The following APCDD1 variants were observed in gnomAD, a reference collection of about 807,000 sequenced individuals.
APCDD1 encodes protein APCDD1.
Under a neutral mutation model 38.1 loss-of-function variants are expected in APCDD1, and 15 were observed. The observed-to-expected ratio is 0.39, with a 90% CI of 0.26 to 0.61. The LOEUF (loss-of-function observed/expected upper bound fraction) is 0.61, where lower values mean the gene tolerates loss of function less well. APCDD1 is among the 20% of genes least tolerant of loss of function. The probability of loss-of-function intolerance (pLI) is 0.49; values close to 1 mark genes in which losing one functional copy is unlikely to be tolerated. For synonymous variants in APCDD1, 261 were observed against 279.7 expected (o/e 0.93, Z 0.67); for missense variants, 647 against 696.2 (o/e 0.93, Z 0.79).
chr18:10,465,150 T>A (rs1400314221), intron 1 of APCDD1, among the ~76,000 whole-genome samples: 1 of 152,176 alleles, frequency 6.6e-6, no homozygotes, highest in Admixed American at 6.5e-5. Context: ...ATACCCATCT[T>A]TTTCGTACTT....
Position 10,469,052 on chromosome 18 carries a change from T to C in APCDD1, c.242+400T>C, listed in dbSNP as rs975251658. On this transcript the variant is annotated intron_variant, in intron 2 of 4. Coordinates refer to ENST00000355285, the MANE Select transcript of APCDD1 (RefSeq NM_153000.5). This position sits in a 1 kb window ranked among gnomAD's most constrained non-coding sequence, Gnocchi z 5.5. Reference sequence around the variant, plus strand: ...TTCTAGCCATATTCTGGTAATTTAATATATGGCTTCAGGGTTCTAAGAGTA... The same window carrying C: ...TTCTAGCCATATTCTGGTAATTTAACATATGGCTTCAGGGTTCTAAGAGTA... Among the ~76,000 whole-genome samples the C allele has an allele frequency of 2.0e-5, 3 of 152,224 alleles. No individual in the cohort carries two copies. The highest frequency in any genetic ancestry group is 4.4e-5 in the Non-Finnish European group (3 of 68,030).
Position 10,488,442 on chromosome 18 carries a change from T to A in APCDD1, c.*404T>A, listed in dbSNP as rs2031301289. ...CTGCCATTTTCCTGTGGTTGCAGCC[T>A]GTCTTCCTTTGAAATTGTTTTACTC... is the stretch of plus-strand genomic sequence containing the variant. On this transcript the variant is annotated 3_prime_UTR_variant, in exon 5 of 5. Coordinates refer to ENST00000355285, the MANE Select transcript of APCDD1 (RefSeq NM_153000.5). The A allele has an allele frequency of 5.2e-6, 1 of 192,202 alleles. No individual in the cohort carries two copies. The highest frequency in any genetic ancestry group is 5.5e-5 in the Admixed American group (1 of 18,264). The allele number at this position is 192,202 out of a possible 1,614,324, so 11.9% of individuals were successfully genotyped here.
At chr18:10,466,644 G>A (rs370694188) in intron 1 of APCDD1, among the ~76,000 whole-genome samples, 2 of 152,336 alleles carry the variant, frequency 1.3e-5, no homozygotes, top group East Asian at 3.9e-4. Flanking sequence ...AATGAGGGAG[G>A]GGGAGGGAAT....
At chr18:10,466,440 G>T (rs919084368) in intron 1 of APCDD1, among the ~76,000 whole-genome samples, 3 of 152,196 alleles carry the variant, frequency 2.0e-5, no homozygotes, top group Non-Finnish European at 4.4e-5. Context: ...AGTTCCCCCC[G>T]AATGTTTCAG....
chr18:10,471,795 A>T lies in APCDD1; in HGVS notation c.508A>T (p.Thr170Ser). 6.2e-7 allele frequency: 1 copy of T among 1,613,550 alleles called. No individual in the cohort carries two copies. The change falls in exon 3 of 5, where the codon ACA becomes TCA. Residue 170 changes from threonine (T) to serine (S), a missense_variant. Transcript: ENST00000355285. The surrounding 1 kb of genome is among the most constrained non-coding windows in gnomAD (Gnocchi z 5.5). ...AEKLGQQVNR[T>S]CPGFLADGGP... is the part of the protein sequence containing the mutation. ...GAAGCTCGGCCAGCAGGTGAACCGC[A>T]CATGCCCGGGCTTCCTCGCAGACGG...
intron 1 of APCDD1, among the ~76,000 whole-genome samples, chr18:10,464,803 T>A (rs1391992986): frequency 6.6e-6 from 1 of 152,188 alleles, no homozygotes; most frequent in East Asian, 1.9e-4. Flanking sequence ...CTCTTCTACA[T>A]TGAGGGTCAT....
chr18:10,460,716 C>A (rs2030519327), intron 1 of APCDD1, among the ~76,000 whole-genome samples: 1 of 152,186 alleles, frequency 6.6e-6, no homozygotes, highest in Non-Finnish European at 1.5e-5. Context: ...TATTGACTTG[C>A]AAAAGTCCAG....
At chr18:10,459,500 G>A (rs545985493) in intron 1 of APCDD1, among the ~76,000 whole-genome samples, 23 of 152,328 alleles carry the variant, frequency 1.5e-4, no homozygotes, top group Middle Eastern at 3.4e-3. Flanking sequence ...GTCAAGTGGA[G>A]CCAGGAATTT....
intron 3 of APCDD1, among the ~76,000 whole-genome samples, chr18:10,482,779 A>G (rs576646279): frequency 9.2e-5 from 14 of 152,288 alleles, no homozygotes; most frequent in African/African-American, 3.4e-4. Context: ...ACACTATGTC[A>G]TACTAACTTT....
chr18:10,463,388 C>T (rs555736301), intron 1 of APCDD1, among the ~76,000 whole-genome samples: 1 of 152,160 alleles, frequency 6.6e-6, no homozygotes, highest in South Asian at 2.1e-4. Context: ...ATGAATGATT[C>T]GCTAGTTCTA....
chr18:10,473,301 T>C (rs1425681735), intron 3 of APCDD1, among the ~76,000 whole-genome samples: 1 of 152,224 alleles, frequency 6.6e-6, no homozygotes, highest in African/African-American at 2.4e-5. Flanking sequence ...TGGAGGCTGC[T>C]TCCTCTGGAT....
At chr18:10,460,532 C>G (rs79126381) in intron 1 of APCDD1, among the ~76,000 whole-genome samples, 2 of 73,644 alleles carry the variant, frequency 2.7e-5, no homozygotes, top group East Asian at 7.2e-4. Context: ...GACTCTGTCT[C>G]AAAAAAAAAA....
chr18:10,477,383 C>CTTCA (rs2031027181), intron 3 of APCDD1: 4 of 152,324 alleles, frequency 2.6e-5, no homozygotes, highest in African/African-American at 9.6e-5. Flanking sequence ...GGGGTCTTGA[C>CTTCA]CCTGAAGGGG....
In APCDD1 at chr18:10,454,986, C is replaced by T; in HGVS notation, c.5C>T (p.Ser2Phe). M[S>F]WPRRLLLRYL... is the part of the protein sequence containing the mutation. ...GGCCCCAGAGCAGGACTGGAAATGT[C>T]CTGGCCGCGCCGCCTCCTGCTCAGA... Residue 2 changes from serine to phenylalanine, a missense_variant, in exon 1 of 5, where the codon TCC becomes TTC. Transcript: ENST00000355285. The T allele has an allele frequency of 1.3e-6, 2 of 1,552,350 alleles. No homozygotes were observed. Among genetic ancestry groups the T allele is most frequent in the East Asian group, 2.4e-5 (1 of 40,942 alleles).
At chr18:10,462,241 T>C (rs1157874145) in intron 1 of APCDD1, among the ~76,000 whole-genome samples, 2 of 152,138 alleles carry the variant, frequency 1.3e-5, no homozygotes. Flanking sequence ...ACGGGAATGG[T>C]TATTATTAGT....
intron 3 of APCDD1, among the ~76,000 whole-genome samples, chr18:10,479,427 C>T (rs1415756218): frequency 6.6e-6 from 1 of 152,124 alleles, no homozygotes; most frequent in Non-Finnish European, 1.5e-5. Flanking sequence ...GGGAAGATGG[C>T]GAAAACAAAC....
In APCDD1 at chr18:10,468,542, G is replaced by A; in HGVS notation, c.132G>A (p.Trp44Ter). The change falls in exon 2 of 5, where the codon TGG (tryptophan) becomes TGA (stop). Residue 44 changes from tryptophan to a stop codon, truncating the protein, a stop_gained. Transcript: ENST00000355285. LOFTEE classifies it high-confidence loss of function. ...CTAGGTCCTTAGAGAAAAGTGCCTGGAGGGCTTTTAAGGAGTCACAGTGCC... is the reference window on the plus strand; with the variant it reads ...CTAGGTCCTTAGAGAAAAGTGCCTGAAGGGCTTTTAAGGAGTCACAGTGCC... ...SHPRSLEKSA[W>*]RAFKESQCHH... 6.2e-7 allele frequency: 1 copy of A among 1,614,154 alleles called. No individual in the cohort carries two copies. The highest frequency in any genetic ancestry group is 8.5e-7 in the Non-Finnish European group (1 of 1,180,028).
chr18:10,455,164 C>A, intron 1 of APCDD1, 125 bp downstream of exon 1: 2 of 1,409,596 alleles, frequency 1.4e-6, no homozygotes, highest in Non-Finnish European at 1.9e-6. Context: ...CGGGGCGGGT[C>A]CGAGGGGAGC....
intron 3 of APCDD1, chr18:10,477,985 A>C (rs2031045565): frequency 6.6e-6 from 1 of 152,108 alleles, no homozygotes; most frequent in African/African-American, 2.4e-5. Flanking sequence ...TGTTAACTAA[A>C]ACAAAAAAAG....
Sources: gnomAD v4.1 joint callset for allele counts (sites outside exome capture counted in the v4.1 genomes callset) on GRCh38, gnomAD v4.1.1 for gene constraint, Gnocchi (gnomAD v3.1) non-coding constraint, MANE v1.5 for transcripts, NCBI Gene and HGNC (gene_info 2026-07-23, HGNC 2026-07-21) for gene names.